ANK2: variants seen among roughly 807,000 people sequenced by gnomAD.
ANK2 encodes the protein ankyrin 2.
A neutral mutation model predicts 360.5 loss-of-function variants in ANK2; 83 were observed. That is an observed-to-expected ratio of 0.23 (90% CI 0.19 to 0.28). ANK2 has a LOEUF of 0.28. Ranked by LOEUF, ANK2 falls within the 10% of genes least tolerant of loss-of-function variation. The pLI, the probability that ANK2 is intolerant of heterozygous loss-of-function variation, is 1.00. For missense variants in ANK2, 4,201 were observed against 4,795.7 expected, an observed-to-expected ratio of 0.88 and a Z score of 3.66; for synonymous variants, 1,740 against 1,759.5, an observed-to-expected ratio of 0.99 and a Z score of 0.28.
intron 35 of ANK2, among the ~76,000 whole-genome samples, chr4:113,347,188 A>G (rs891133513): frequency 1.3e-5 from 2 of 152,206 alleles, no homozygotes; most frequent in African/African-American, 4.8e-5. Flanking sequence ...GAGATCAGCC[A>G]TCTAGAGAAA....
intron 1 of ANK2, among the ~76,000 whole-genome samples, chr4:112,867,961 C>T (rs1012814162): frequency 2.0e-5 from 3 of 152,018 alleles, no homozygotes; most frequent in African/African-American, 7.2e-5. Flanking sequence ...TATGTTTTAC[C>T]ATTTGAAGAA....
chr4:113,131,382 A>G (rs1216572740), intron 1 of ANK2, among the ~76,000 whole-genome samples: 1 of 152,188 alleles, frequency 6.6e-6, no homozygotes, highest in African/African-American at 2.4e-5. Flanking sequence ...TGCTCCTGCA[A>G]TGAGAAAACT....
At chr4:113,134,963 T>C (rs1403924096) in intron 1 of ANK2, among the ~76,000 whole-genome samples, 1 of 152,228 alleles carries the variant, frequency 6.6e-6, no homozygotes, top group African/African-American at 2.4e-5. Flanking sequence ...ATGGTGTCCA[T>C]TTCTTCAGGA....
At chr4:113,196,509 G>A (rs369301058) in intron 3 of ANK2, 43 bp downstream of exon 3, 50 of 1,489,878 alleles carry the variant, frequency 3.4e-5, no homozygotes, top group Admixed American at 2.5e-4. Context: ...TTAGAAAAGC[G>A]AAAATAATTT....
intron 2 of ANK2, among the ~76,000 whole-genome samples, chr4:113,178,120 A>G (rs758078880): frequency 6.6e-6 from 1 of 152,066 alleles, no homozygotes; most frequent in Non-Finnish European, 1.5e-5. Flanking sequence ...GGTGGCTCAC[A>G]CCTGTAATCC....
chr4:113,123,594 A>T (rs1161547207), intron 1 of ANK2, among the ~76,000 whole-genome samples: 1 of 152,142 alleles, frequency 6.6e-6, no homozygotes, highest in African/African-American at 2.4e-5. Context: ...TTTGAGTGTG[A>T]CCCTTTTGCT....
intron 39 of ANK2, 125 bp downstream of exon 39, chr4:113,361,022 T>A: frequency 1.1e-6 from 1 of 870,794 alleles, no homozygotes; most frequent in Non-Finnish European, 1.9e-6. Flanking sequence ...AAGAATAAAC[T>A]AAGAACTAGA....
chr4:113,072,840 T>C (rs2078197246), intron 1 of ANK2, among the ~76,000 whole-genome samples: 1 of 150,348 alleles, frequency 6.7e-6, no homozygotes. Context: ...ATTATAGATA[T>C]TTGAATATTA....
chr4:113,181,909 C>T (rs536188435), intron 2 of ANK2, among the ~76,000 whole-genome samples: 3 of 152,046 alleles, frequency 2.0e-5, no homozygotes, highest in Admixed American at 6.6e-5. Context: ...GCTTTAATTC[C>T]GAATGAGCAG....
At chr4:112,995,367 A>G (rs934352663) in intron 2 of ANK2, among the ~76,000 whole-genome samples, 1 of 152,118 alleles carries the variant, frequency 6.6e-6, no homozygotes, top group Non-Finnish European at 1.5e-5. Context: ...GATGTTGAGC[A>G]TTTTTACATG....
At position 113,108,826 on chromosome 4, in the gene ANK2, T is replaced by C. The variant is rs115966360; in HGVS notation, c.84+59014T>C. 8.1e-3 allele frequency among the ~76,000 whole-genome samples: 1,233 copies of C among 152,310 alleles called. 21 individuals carry two copies. The highest frequency in any genetic ancestry group is 0.027 in the African/African-American group (1,130 of 41,586). On this transcript the variant is annotated intron_variant, in intron 1 of 45. Transcript: ENST00000357077. The stretch of plus-strand genomic sequence containing the variant: ...AAAGTTTCTACCTGAACCATCAAGT[T>C]TGGTTTTCATAAAAAGCTTTTAATT...
At chr4:112,881,892 G>C (rs1269130184) in intron 1 of ANK2, 1 of 719,714 alleles carries the variant, frequency 1.4e-6, no homozygotes, top group East Asian at 2.5e-5. Context: ...CGCTCTCTTT[G>C]GTTCCACAAC....
At chr4:113,014,975 C>T (rs1353489205) in intron 2 of ANK2, among the ~76,000 whole-genome samples, 1 of 151,156 alleles carries the variant, frequency 6.6e-6, no homozygotes, top group Non-Finnish European at 1.5e-5. Context: ...TCTCCTGCCT[C>T]AGCCTCCCGA....
Position 113,357,300 on chromosome 4 carries a change from C to G in ANK2, c.8682C>G (p.Asp2894Glu). 1 of 1,614,094 alleles carries G rather than the reference C, an allele frequency of 6.2e-7. No individual in the cohort carries two copies. The highest frequency in any genetic ancestry group is 8.5e-7 in the Non-Finnish European group (1 of 1,179,994). The change falls in exon 38 of 46, where the codon GAC (aspartate) becomes GAG (glutamate). Residue 2894 changes from aspartate to glutamate, a missense_variant. Physicochemically the swap from Asp to Glu is conservative, Grantham distance 45. Coordinates refer to ENST00000357077, the MANE Select transcript of ANK2 (RefSeq NM_001148.6). ...ENLPKDCPSQ[D>E]SSITTQTDRF... ...TACCAAAGGACTGCCCCTCTCAAGA[C>G]TCATCCATTACTACTCAAACAGATA... is the stretch of plus-strand genomic sequence containing the variant.
At chr4:112,733,897 C>T in the ANK2 span, among the ~76,000 whole-genome samples, 4 of 152,304 alleles carry the variant, frequency 2.6e-5, no homozygotes, top group East Asian at 7.7e-4. Flanking sequence ...GCATCAGCCT[C>T]CCAAGTAGCT....
At chr4:112,936,310 A>T (rs952913207) in intron 2 of ANK2, among the ~76,000 whole-genome samples, 1 of 152,034 alleles carries the variant, frequency 6.6e-6, no homozygotes, top group Non-Finnish European at 1.5e-5. Flanking sequence ...ATATGTATTG[A>T]GCACTTTCTA....
In ANK2 at chr4:113,242,106, T is replaced by G. The variant is rs1299696149; in HGVS notation, c.793-5T>G. On this transcript the variant is annotated splice_polypyrimidine_tract_variant and splice_region_variant and intron_variant, in intron 8 of 45. Transcript: ENST00000357077. ...CAGCTCTTGTTTGGTCTTTCTGTGG[T>G]GTAGAATGGAATCACTCCTCTGCAT... The G allele has an allele frequency of 6.2e-7, 1 of 1,611,474 alleles. No individual in the cohort carries two copies. The highest frequency in any genetic ancestry group is 1.1e-5 in the South Asian group (1 of 91,028).
At chr4:113,193,030 A>G (rs1178628124) in intron 2 of ANK2, among the ~76,000 whole-genome samples, 1 of 152,020 alleles carries the variant, frequency 6.6e-6, no homozygotes, top group East Asian at 1.9e-4. Context: ...TCCGCTATGG[A>G]TGAAGTGGAG....
intron 1 of ANK2, among the ~76,000 whole-genome samples, chr4:112,898,462 C>A (rs1055459368): frequency 6.6e-6 from 1 of 152,072 alleles, no homozygotes; most frequent in African/African-American, 2.4e-5. Context: ...CATAATTAGA[C>A]TGGATTACAT....
Sources: allele counts gnomAD v4.1 joint callset (sites outside exome capture counted in the v4.1 genomes callset), GRCh38; gene constraint gnomAD v4.1.1; transcripts MANE v1.5; gene names NCBI Gene and HGNC (gene_info 2026-07-23, HGNC 2026-07-21).